The following TSHZ2 variants were observed in gnomAD, a reference collection of about 807,000 sequenced individuals.
TSHZ2 encodes teashirt homolog 2.
Under a neutral mutation model 74.4 loss-of-function variants are expected in TSHZ2, and 21 were observed. The observed-to-expected ratio is 0.28, with a 90% CI of 0.20 to 0.41. The LOEUF is 0.41. Among genes scored for constraint, TSHZ2 ranks in the 10% least tolerant of loss-of-function variants. The probability of loss-of-function intolerance (pLI) is 1.00; values close to 1 mark genes in which losing one functional copy is unlikely to be tolerated. For synonymous variants in TSHZ2, 540 were observed against 515.3 expected, an observed-to-expected ratio of 1.05 and a Z score of -0.65; for missense variants, 1,244 against 1,293.5, an observed-to-expected ratio of 0.96 and a Z score of 0.59.
At chr20:53,277,472 C>A (rs1390690950) in intron 2 of TSHZ2, among the ~76,000 whole-genome samples, 6 of 147,770 alleles carry the variant, frequency 4.1e-5, no homozygotes, top group African/African-American at 1.5e-4. Flanking sequence ...AAAAAAAAAA[C>A]AAGGAATATA....
Position 53,476,047 on chromosome 20 carries a change from C to T in TSHZ2, c.*9-11097C>T, listed in dbSNP as rs918061076. Among the ~76,000 whole-genome samples the T allele has an allele frequency of 9.4e-5, 13 of 138,308 alleles. 1 individual carries two copies. Among genetic ancestry groups the T allele is most frequent in the African/African-American group, 3.7e-4 (13 of 35,426 alleles). The allele number at this position is 138,308 out of a possible 152,430, so 90.7% of individuals were successfully genotyped here. A position where few individuals can be genotyped will look rare whatever the true frequency, so the allele number is the denominator to read the frequency against. On this transcript the variant is annotated intron_variant, in intron 2 of 2. Coordinates refer to ENST00000371497, the MANE Select transcript of TSHZ2 (RefSeq NM_173485.6). The stretch of plus-strand genomic sequence containing the variant: ...TTACCAACCAAAAAGAGTCCAGGAC[C>T]AGATGGATTCACAGCCGAATTCTAC...
At position 53,372,216 on chromosome 20, in the gene TSHZ2, C is replaced by T. The variant is rs200423094; in HGVS notation, c.*9-114928C>T. Among the ~76,000 whole-genome samples, 37 of 152,256 alleles carry T rather than the reference C, an allele frequency of 2.4e-4. 1 individual carries two copies. In the East Asian group the frequency reaches 5.8e-3, roughly 24 times the overall value. ...TTCAGGCCGAGTGCAGTGGCTCATG[C>T]CGTAATCCTAGCACTTTGGGAAGTC... is the stretch of plus-strand genomic sequence containing the variant. On this transcript the variant is annotated intron_variant, in intron 2 of 2. Transcript: ENST00000371497.
chr20:53,235,217 G>A (rs1052263079), intron 1 of TSHZ2, among the ~76,000 whole-genome samples: 4 of 151,954 alleles, frequency 2.6e-5, no homozygotes, highest in Non-Finnish European at 5.9e-5. Flanking sequence ...ACCCAGGCTG[G>A]AGTACAGTGT....
intron 1 of TSHZ2, among the ~76,000 whole-genome samples, chr20:53,022,227 C>T (rs1457135698): frequency 6.6e-6 from 1 of 152,212 alleles, no homozygotes; most frequent in East Asian, 1.9e-4. Flanking sequence ...TTTCCTAGCA[C>T]TAGACTCTAA....
chr20:53,346,504 C>T (rs531297181), intron 2 of TSHZ2, among the ~76,000 whole-genome samples: 10 of 152,244 alleles, frequency 6.6e-5, no homozygotes, highest in East Asian at 5.8e-4. Flanking sequence ...TTGATCTCTC[C>T]GATAAAGACA....
At position 53,414,326 on chromosome 20, in the gene TSHZ2, T is replaced by A. The variant is rs540122745; in HGVS notation, c.*9-72818T>A. On this transcript the variant is annotated intron_variant, in intron 2 of 2. Transcript: ENST00000371497. Reference sequence around the variant, plus strand: ...CCAGGAAAACTTTTATTTAAAAGAATAAGCCAGTACTGGCTCAACATAGTG... The same window carrying A: ...CCAGGAAAACTTTTATTTAAAAGAAAAAGCCAGTACTGGCTCAACATAGTG... Among the ~76,000 whole-genome samples, 10 of 152,064 alleles carry A rather than the reference T, an allele frequency of 6.6e-5. No homozygotes were observed. In the South Asian group the frequency reaches 2.1e-3, roughly 31 times the overall value.
At chr20:53,114,941 A>T (rs1986630125) in intron 1 of TSHZ2, among the ~76,000 whole-genome samples, 2 of 152,202 alleles carry the variant, frequency 1.3e-5, no homozygotes, top group East Asian at 1.9e-4. Context: ...GCAGGAAAAA[A>T]CTTGGGTTGG....
chr20:53,282,416 G>A (rs965892651), intron 2 of TSHZ2, among the ~76,000 whole-genome samples: 1 of 152,234 alleles, frequency 6.6e-6, no homozygotes, highest in African/African-American at 2.4e-5. Flanking sequence ...CATTGACTGA[G>A]TACCTGCTGT....
At chr20:53,190,115 ATATATATATATATATATATATATT>A (rs1321446019) in intron 1 of TSHZ2, among the ~76,000 whole-genome samples, 2 of 83,548 alleles carry the variant, frequency 2.4e-5, no homozygotes, top group East Asian at 4.1e-4. Context: ...ATATATATAT[ATATATATATATATATATATATATT>A]TTCTTAAATG....
At chr20:53,066,820 G>A (rs561887225) in intron 1 of TSHZ2, among the ~76,000 whole-genome samples, 88 of 152,192 alleles carry the variant, frequency 5.8e-4, no homozygotes, top group African/African-American at 2.1e-3. Flanking sequence ...TTAAATGCTA[G>A]GATGTCTCCT....
chr20:53,052,627 T>C (rs1180163228), intron 1 of TSHZ2, among the ~76,000 whole-genome samples: 1 of 152,238 alleles, frequency 6.6e-6, no homozygotes, highest in African/African-American at 2.4e-5. Context: ...ATCAGAATTT[T>C]TTTCTTCTTT....
intron 1 of TSHZ2, among the ~76,000 whole-genome samples, chr20:53,171,660 G>T (rs1029039356): frequency 6.6e-6 from 1 of 151,788 alleles, no homozygotes; most frequent in African/African-American, 2.4e-5. Context: ...TTGATTCTGA[G>T]CTATATGCAG....
intron 2 of TSHZ2, among the ~76,000 whole-genome samples, chr20:53,454,256 G>A (rs150780210): frequency 1.1e-4 from 16 of 152,164 alleles, no homozygotes; most frequent in East Asian, 1.9e-4. Context: ...GATGAAACCC[G>A]TGGAGCCCTT....
Position 53,185,783 on chromosome 20 carries a change from A to G in TSHZ2, c.41-67716A>G, listed in dbSNP as rs1056345857. ...CAACCATTTTCTTAATGGTTTGAACACTAATTAATAATCCCTTGCTTGTAT... is the reference window on the plus strand; with the variant it reads ...CAACCATTTTCTTAATGGTTTGAACGCTAATTAATAATCCCTTGCTTGTAT... On this transcript the variant is annotated intron_variant, in intron 1 of 2. Transcript: ENST00000371497. 35 of 1,343,442 alleles carry G rather than the reference A, an allele frequency of 2.6e-5. No individual in the cohort carries two copies. The Admixed American group carries it at 5.2e-4, about 20-fold the overall frequency. 83.2% of individuals were successfully genotyped at this position (1,343,442 alleles called of 1,614,324 possible).
At chr20:53,158,662 A>T (rs1002781887) in intron 1 of TSHZ2, among the ~76,000 whole-genome samples, 1 of 152,124 alleles carries the variant, frequency 6.6e-6, no homozygotes, top group Non-Finnish European at 1.5e-5. Flanking sequence ...ACCCTGCCTC[A>T]TTGCCTGTCA....
rs1435565708 is a variant in TSHZ2, at chr20:53,488,710, T to A, written c.*1575T>A. 1 of 240,574 alleles carries A rather than the reference T, an allele frequency of 4.2e-6. No homozygotes were observed. The highest frequency in any genetic ancestry group is 2.3e-5 in the African/African-American group (1 of 43,196). 14.9% of individuals were successfully genotyped at this position (240,574 alleles called of 1,614,324 possible). ...GTTGTTGCTTTAATTACCAAGGTTA[T>A]TTTTTTTTAATCTCAACACTGACAA... On this transcript the variant is annotated 3_prime_UTR_variant, in exon 3 of 3. Coordinates refer to ENST00000371497, the MANE Select transcript of TSHZ2 (RefSeq NM_173485.6).
intron 2 of TSHZ2, among the ~76,000 whole-genome samples, chr20:53,446,135 G>A (rs1363498440): frequency 6.6e-6 from 1 of 152,186 alleles, no homozygotes; most frequent in Non-Finnish European, 1.5e-5. Flanking sequence ...TCTCCAAGCA[G>A]ATGTGATGCA....
intron 1 of TSHZ2, among the ~76,000 whole-genome samples, chr20:53,106,997 C>T (rs1416044249): frequency 6.6e-6 from 1 of 152,158 alleles, no homozygotes. Flanking sequence ...CGCGCCTGGC[C>T]CTTCTCACAC....
At chr20:53,461,193 A>G in intron 2 of TSHZ2, among the ~76,000 whole-genome samples, 1 of 151,766 alleles carries the variant, frequency 6.6e-6, no homozygotes, top group Non-Finnish European at 1.5e-5. Context: ...AATCAGCGAG[A>G]CTCCATGGGC....
Sources: allele counts gnomAD v4.1 joint callset (sites outside exome capture counted in the v4.1 genomes callset), GRCh38; gene constraint gnomAD v4.1.1; transcripts MANE v1.5; gene names NCBI Gene and HGNC (gene_info 2026-07-23, HGNC 2026-07-21).